PARD3B: variants seen among roughly 807,000 people sequenced by gnomAD.
PARD3B encodes partitioning defective 3 homolog B.
A neutral mutation model predicts 130.2 loss-of-function variants in PARD3B; 103 were observed. The observed-to-expected ratio is 0.79, with a 90% CI of 0.67 to 0.93. PARD3B has a LOEUF of 0.93. Among genes scored for constraint, PARD3B ranks in the 40% least tolerant of loss-of-function variants. The pLI is 0.00. For synonymous variants in PARD3B, 583 were observed against 553.2 expected (o/e 1.05, Z -0.76); for missense variants, 1,609 against 1,499.2 (o/e 1.07, Z -1.21).
In PARD3B at chr2:205,125,275, T is replaced by C. The variant is rs2031244934; in HGVS notation, c.1306-334T>C. Reference sequence around the variant, plus strand: ...TCATGGTTCACTCTGCTTGTTGAATTAGGCAGAAAATGGCGCTAAGTAAGC... The same window carrying C: ...TCATGGTTCACTCTGCTTGTTGAATCAGGCAGAAAATGGCGCTAAGTAAGC... On this transcript the variant is annotated intron_variant, in intron 9 of 22. Coordinates refer to ENST00000406610, the MANE Select transcript of PARD3B (RefSeq NM_001302769.2). The surrounding 1 kb of genome is among the most constrained non-coding windows in gnomAD (Gnocchi z 4.0). Among the ~76,000 whole-genome samples, 1 of 152,196 alleles carries C rather than the reference T, an allele frequency of 6.6e-6. No individual in the cohort carries two copies. The highest frequency in any genetic ancestry group is 1.5e-5 in the Non-Finnish European group (1 of 68,032).
chr2:205,533,256 C>G (rs992230778), intron 21 of PARD3B, among the ~76,000 whole-genome samples: 1 of 152,076 alleles, frequency 6.6e-6, no homozygotes, highest in African/African-American at 2.4e-5. Context: ...AAATAATGAT[C>G]ATAAATAAAA....
chr2:205,502,312 C>A (rs116670124), intron 21 of PARD3B, among the ~76,000 whole-genome samples: 2,895 of 152,106 alleles, frequency 0.019, 94 homozygotes, highest in African/African-American at 0.064. Context: ...GACTGTGGTT[C>A]CTAGAAAGGC....
rs2037423763 is a variant in PARD3B, at chr2:205,208,195, A to G, written c.2140+14875A>G. Among the ~76,000 whole-genome samples the G allele has an allele frequency of 2.9e-5, 3 of 103,186 alleles. No homozygotes were observed. The South Asian group carries it at 1.1e-3, about 38-fold the overall frequency. The allele number at this position is 103,186 out of a possible 152,430, so 67.7% of individuals were successfully genotyped here. A position where few individuals can be genotyped will look rare whatever the true frequency, so the allele number is the denominator to read the frequency against. On this transcript the variant is annotated intron_variant, in intron 15 of 22. Coordinates refer to ENST00000406610, the MANE Select transcript of PARD3B (RefSeq NM_001302769.2). ...CCTTCATGCTAAAAACTCTCAATAAATTAGGCATTGATGGGACGTATTTCA... is the reference window on the plus strand; with the variant it reads ...CCTTCATGCTAAAAACTCTCAATAAGTTAGGCATTGATGGGACGTATTTCA...
At chr2:204,680,001 A>T (rs1447520644) in intron 1 of PARD3B, among the ~76,000 whole-genome samples, 1 of 151,980 alleles carries the variant, frequency 6.6e-6, no homozygotes, top group Non-Finnish European at 1.5e-5. Flanking sequence ...ATCCATGAGA[A>T]AGAGAGAGAC....
chr2:205,395,311 C>T (rs889546388), intron 18 of PARD3B, among the ~76,000 whole-genome samples: 1 of 152,196 alleles, frequency 6.6e-6, no homozygotes, highest in African/African-American at 2.4e-5. Flanking sequence ...CTTTATGTTG[C>T]CAAATCTAAT....
chr2:205,371,182 C>G (rs545408755), intron 18 of PARD3B, among the ~76,000 whole-genome samples: 32 of 152,030 alleles, frequency 2.1e-4, no homozygotes, highest in Non-Finnish European at 1.8e-4. Flanking sequence ...TTTGTTGTTT[C>G]GAGAGAGAAA....
intron 2 of PARD3B, among the ~76,000 whole-genome samples, chr2:204,712,465 T>C (rs2038494286): frequency 6.6e-6 from 1 of 151,440 alleles, no homozygotes; most frequent in African/African-American, 2.4e-5. Context: ...ACAAAAATTA[T>C]CCGGGTGTGG....
At chr2:205,492,445 A>G (rs1480195747) in intron 20 of PARD3B, among the ~76,000 whole-genome samples, 2 of 152,240 alleles carry the variant, frequency 1.3e-5, no homozygotes, top group African/African-American at 2.4e-5. Context: ...TTAAATGTCC[A>G]TATAAGCTAA....
chr2:205,379,124 T>C (rs1179119941), intron 18 of PARD3B, among the ~76,000 whole-genome samples: 1 of 152,122 alleles, frequency 6.6e-6, no homozygotes, highest in Non-Finnish European at 1.5e-5. Context: ...CAGACTTTGA[T>C]TGAAAAATTG....
intron 18 of PARD3B, among the ~76,000 whole-genome samples, chr2:205,337,350 T>A (rs2043351698): frequency 6.6e-6 from 1 of 152,242 alleles, no homozygotes; most frequent in Admixed American, 6.5e-5. Context: ...AGTTTCTAAG[T>A]AACTGTTCAT....
chr2:205,324,162 A>G (rs2042857250), intron 18 of PARD3B, among the ~76,000 whole-genome samples: 1 of 152,180 alleles, frequency 6.6e-6, no homozygotes, highest in African/African-American at 2.4e-5. Context: ...AGGTGTTGCT[A>G]CGTCACACAC....
intron 4 of PARD3B, chr2:205,103,802 G>A (rs1703001727): frequency 2.1e-6 from 2 of 932,638 alleles, no homozygotes; most frequent in Middle Eastern, 1.1e-3. Context: ...CACTGTCCTG[G>A]AGTACAGGGC....
chr2:204,692,113 G>A (rs1334766313), intron 2 of PARD3B, among the ~76,000 whole-genome samples: 1 of 152,076 alleles, frequency 6.6e-6, no homozygotes, highest in East Asian at 1.9e-4. Context: ...CCTCTAGTGG[G>A]TCCACAGTTA....
At chr2:204,847,256 C>G (rs1208603491) in intron 2 of PARD3B, among the ~76,000 whole-genome samples, 1 of 145,436 alleles carries the variant, frequency 6.9e-6, no homozygotes, top group East Asian at 2.0e-4. Context: ...AACTATAGAA[C>G]AGTGGTTTTC....
chr2:204,836,625 C>T (rs2044042466), intron 2 of PARD3B, among the ~76,000 whole-genome samples: 1 of 152,174 alleles, frequency 6.6e-6, no homozygotes, highest in Non-Finnish European at 1.5e-5. Flanking sequence ...CGTGCCACTG[C>T]ACTCCAGCCT....
Position 205,351,813 on chromosome 2 carries a change from AC to A in PARD3B, c.2631-49199del, listed in dbSNP as rs1212490751. Among the ~76,000 whole-genome samples, 8 of 146,404 alleles carry A rather than the reference AC, an allele frequency of 5.5e-5. No homozygotes were observed. Among genetic ancestry groups the A allele is most frequent in the South Asian group, 4.4e-4 (2 of 4,496 alleles). ...AGGGCAGAAACAAGAAAAAAAAAAAACGTTGGCTTCCAGAGACCAGAGACTT... is the reference window on the plus strand; with the variant it reads ...AGGGCAGAAACAAGAAAAAAAAAAAAGTTGGCTTCCAGAGACCAGAGACTT... On this transcript the variant is annotated intron_variant, in intron 18 of 22. Transcript: ENST00000406610. This position sits in a 1 kb window ranked among gnomAD's most constrained non-coding sequence, Gnocchi z 4.2.
chr2:205,293,064 C>CT (rs1024831500), intron 16 of PARD3B, among the ~76,000 whole-genome samples: 7 of 151,646 alleles, frequency 4.6e-5, no homozygotes, highest in East Asian at 3.9e-4. Flanking sequence ...TTGAAATGCT[C>CT]TTTTTTTTCA....
At chr2:204,676,099 A>T (rs2036525016) in intron 1 of PARD3B, among the ~76,000 whole-genome samples, 1 of 151,710 alleles carries the variant, frequency 6.6e-6, no homozygotes, top group Non-Finnish European at 1.5e-5. Flanking sequence ...AAGGCTTGAA[A>T]ATTCCAAGTA....
rs532336170 is a variant in PARD3B, at chr2:205,186,687, T to C, written c.2024+824T>C. Among the ~76,000 whole-genome samples, 5 of 152,304 alleles carry C rather than the reference T, an allele frequency of 3.3e-5. No individual in the cohort carries two copies. In the South Asian group the frequency reaches 8.3e-4, roughly 25 times the overall value. On this transcript the variant is annotated intron_variant, in intron 14 of 22. Transcript: ENST00000406610. ...ATAGCTAACTGTATTAGGTGGAAGC[T>C]CACCTATATTTAGCTATCTCTGATT...
Sources: allele counts gnomAD v4.1 joint callset (sites outside exome capture counted in the v4.1 genomes callset), GRCh38; gene constraint gnomAD v4.1.1; non-coding constraint Gnocchi (gnomAD v3.1); transcripts MANE v1.5; gene names NCBI Gene and HGNC (gene_info 2026-07-23, HGNC 2026-07-21).